PEX5: variants seen among roughly 807,000 people sequenced by gnomAD.
PEX5 encodes the protein peroxisomal biogenesis factor 5, also known as PTS1 receptor.
A neutral mutation model predicts 82.9 loss-of-function variants in PEX5; 52 were observed. The observed-to-expected ratio is 0.63, with a 90% CI of 0.50 to 0.79. PEX5 has a LOEUF of 0.79. Among genes scored for constraint, PEX5 ranks in the 30% least tolerant of loss-of-function variants. PEX5 has a pLI of 0.00. For missense variants in PEX5, 719 were observed against 815.2 expected (o/e 0.88, Z 1.44); for synonymous variants, 300 against 318.8 (o/e 0.94, Z 0.63).
At chr12:7,197,148 TTA>T (rs745962693) in intron 5 of PEX5, among the ~76,000 whole-genome samples, 2 of 94,052 alleles carry the variant, frequency 2.1e-5, no homozygotes, top group African/African-American at 8.3e-5. Flanking sequence ...AATGTAATAA[TTA>T]TATATGTCAT....
At chr12:7,206,141 G>T (rs1273739876) in intron 10 of PEX5, among the ~76,000 whole-genome samples, 11 of 152,172 alleles carry the variant, frequency 7.2e-5, no homozygotes, top group African/African-American at 2.2e-4. Flanking sequence ...TTATTTTATT[G>T]AACTGTAATA....
chr12:7,203,370 G>A (rs1008526076), intron 9 of PEX5, 62 bp from the exon 10 acceptor site: 36 of 1,554,186 alleles, frequency 2.3e-5, no homozygotes, highest in Non-Finnish European at 3.1e-5. Flanking sequence ...CAGCAGAGCT[G>A]AGTGTGGGGT....
chr12:7,189,488 T>C (rs942957327), upstream of PEX5: 1 of 158,040 alleles, frequency 6.3e-6, no homozygotes, highest in Non-Finnish European at 1.4e-5. Context: ...CCGTGGCCTT[T>C]TCGAGCGCTC....
Position 7,210,358 on chromosome 12 carries a change from A to T in PEX5, c.*135A>T, listed in dbSNP as rs1945419679. ...GGTACGGCCTTTCAGGAGCTGCCTC[A>T]ACGTAGGGGTGGGTAGTCTGTGTTC... On this transcript the variant is annotated 3_prime_UTR_variant, in exon 16 of 16. Coordinates refer to ENST00000675855, the MANE Select transcript of PEX5 (RefSeq NM_001351132.2). The T allele has an allele frequency of 1.3e-6, 1 of 780,362 alleles. No individual in the cohort carries two copies. The highest frequency in any genetic ancestry group is 2.2e-6 in the Non-Finnish European group (1 of 449,866). 48.3% of individuals were successfully genotyped at this position (780,362 alleles called of 1,614,324 possible).
At chr12:7,191,031 G>A in intron 3 of PEX5, 108 bp downstream of exon 3, 1 of 1,209,212 alleles carries the variant, frequency 8.3e-7, no homozygotes, top group Non-Finnish European at 1.2e-6. Context: ...CTGACCGAAT[G>A]AGAATGCCTG....
chr12:7,189,780 G>T, intron 1 of PEX5, 30 bp downstream of exon 1: 1 of 150,304 alleles, frequency 6.7e-6, no homozygotes, highest in African/African-American at 2.8e-5. Context: ...GGGGCCCGGG[G>T]CCGCGTCCCT....
chr12:7,205,150 T>C (rs7970916), intron 10 of PEX5, among the ~76,000 whole-genome samples: 67,154 of 151,994 alleles, frequency 0.44, 15,983 homozygotes, highest in Admixed American at 0.61. Flanking sequence ...TTTGGTGTCA[T>C]ATCCAGAATA....
At chr12:7,189,916 G>A (rs1218866573) in intron 1 of PEX5, 166 bp downstream of exon 1, 8 of 1,439,366 alleles carry the variant, frequency 5.6e-6, no homozygotes, top group Non-Finnish European at 7.2e-6. Flanking sequence ...AAGGGCTCCG[G>A]TGACTTAAGG....
chr12:7,214,740 A>G (rs1168253412), downstream of PEX5, among the ~76,000 whole-genome samples: 1 of 149,206 alleles, frequency 6.7e-6, no homozygotes, highest in East Asian at 1.9e-4. Flanking sequence ...AAAAAGAATT[A>G]TTCTCTTAAA....
In PEX5 at chr12:7,199,184, C is replaced by T. The variant is rs73050080; in HGVS notation, c.551+71C>T. 63,011 of 751,410 alleles carry T rather than the reference C, an allele frequency of 0.084. 3,568 individuals are homozygous for T. The highest frequency in any genetic ancestry group is 0.11 in the Non-Finnish European group (49,227 of 433,346). The allele number at this position is 751,410 out of a possible 1,614,324, so 46.5% of individuals were successfully genotyped here. A position where few individuals can be genotyped will look rare whatever the true frequency, so the allele number is the denominator to read the frequency against. ...CAGTTTTCCCAGCCTCCTCCATCCA[C>T]GTTCTCGAACCAACTTACTTTATTC... On this transcript the variant is annotated intron_variant, in intron 6 of 15. Transcript: ENST00000675855.
At chr12:7,190,949 C>T (rs1187017506) in intron 3 of PEX5, 26 bp downstream of exon 3, 13 of 1,605,238 alleles carry the variant, frequency 8.1e-6, no homozygotes, top group Non-Finnish European at 1.1e-5. Context: ...TCTTTTCTGT[C>T]CCATTTTTCT....
At chr12:7,209,607 A>ATCT (rs1332556326) in intron 14 of PEX5, 76 bp from the exon 15 acceptor site, 8 of 1,544,500 alleles carry the variant, frequency 5.2e-6, no homozygotes, top group South Asian at 4.5e-5. Context: ...GCAGAGTTTG[A>ATCT]GCTGAGTCGG....
Position 7,209,129 on chromosome 12 carries a change from G to A in PEX5, c.1519G>A (p.Ala507Thr). ...CAACCTGAGTGGGGAGTATGACAAG[G>A]CCGTGGACTGCTTCACAGCTGCCCT... The part of the protein sequence containing the change: ...LFNLSGEYDK[A>T]VDCFTAALSV... Residue 507 changes from alanine (A) to threonine (T), a missense_variant, in exon 14 of 16, where the codon GCC (alanine) becomes ACC (threonine). Ala to Thr is a moderately conservative substitution (Grantham distance 58). Coordinates refer to ENST00000675855, the MANE Select transcript of PEX5 (RefSeq NM_001351132.2). 2 of 1,614,094 alleles carry A rather than the reference G, an allele frequency of 1.2e-6. No homozygotes were observed. Among genetic ancestry groups the A allele is most frequent in the Non-Finnish European group, 1.7e-6 (2 of 1,180,030 alleles).
chr12:7,195,558 A>G lies in PEX5; in HGVS notation c.449-3453A>G, dbSNP rs1015488885. Among the ~76,000 whole-genome samples the G allele has an allele frequency of 2.0e-5, 3 of 149,078 alleles. No individual in the cohort carries two copies. In the South Asian group the frequency reaches 6.3e-4, roughly 31 times the overall value. ...TTTTTTCTTAAACTGCCTCATATCT[A>G]TTGTTAAGTCCTCATGTCTGTTGTA... On this transcript the variant is annotated intron_variant, in intron 5 of 15. Transcript: ENST00000675855.
chr12:7,207,364 T>G (rs144107792), intron 10 of PEX5, among the ~76,000 whole-genome samples: 93 of 152,308 alleles, frequency 6.1e-4, no homozygotes, highest in African/African-American at 2.0e-3. Flanking sequence ...AGTCAAGGTG[T>G]GGGAATACAA....
At chr12:7,202,885 G>T (rs750501513) in intron 9 of PEX5, among the ~76,000 whole-genome samples, 181 bp downstream of exon 9, 2 of 152,230 alleles carry the variant, frequency 1.3e-5, no homozygotes, top group South Asian at 4.1e-4. Context: ...GGCCAGGCAT[G>T]GTGGCTCATG....
In PEX5 at chr12:7,202,253, G is replaced by A. The variant is rs144508802; in HGVS notation, c.655G>A (p.Val219Met). ...CTCTGTGCCCCAGTTCCTGAAATTC[G>A]TGCGGCAGATTGGCGAAGGGCAGGT... Reference protein sequence around the residue: ...KLANSEFLKFVRQIGEGQVSL... With the variant: ...KLANSEFLKFMRQIGEGQVSL... Residue 219 changes from valine (V) to methionine (M), a missense_variant, in exon 8 of 16, where the codon GTG becomes ATG. Transcript: ENST00000675855. 1.9e-5 allele frequency: 30 copies of A among 1,613,960 alleles called. No homozygotes were observed. The highest frequency in any genetic ancestry group is 6.7e-5 in the African/African-American group (5 of 74,888).
chr12:7,199,203 T>TTTA, intron 6 of PEX5, 90 bp downstream of exon 6: 9 of 594,996 alleles, frequency 1.5e-5, no homozygotes, highest in East Asian at 3.1e-5. Context: ...ACCAACTTAC[T>TTTA]TTATTCTTTT....
Position 7,202,642 on chromosome 12 carries a change from A to G in PEX5, c.784A>G (p.Thr262Ala). The G allele has an allele frequency of 1.9e-6, 3 of 1,614,176 alleles. No individual in the cohort carries two copies. Among genetic ancestry groups the G allele is most frequent in the Non-Finnish European group, 2.5e-6 (3 of 1,180,006 alleles). ...GTSDAWVDQF[T>A]RPVNTSALDM... ...ATCAGATGCCTGGGTTGACCAGTTC[A>G]CAAGACCAGTAAACACATCTGCCCT... is the stretch of plus-strand genomic sequence containing the variant. The change falls in exon 9 of 16, where the codon ACA becomes GCA. Residue 262 changes from threonine (T) to alanine (A), a missense_variant. Thr to Ala is a moderately conservative substitution (Grantham distance 58). Transcript: ENST00000675855.
Sources: allele counts gnomAD v4.1 joint callset (sites outside exome capture counted in the v4.1 genomes callset), GRCh38; gene constraint gnomAD v4.1.1; transcripts MANE v1.5; gene names NCBI Gene and HGNC (gene_info 2026-07-23, HGNC 2026-07-21).